The following LRBA variants were observed in gnomAD, a reference collection of about 807,000 sequenced individuals.
LRBA encodes lipopolysaccharide-responsive and beige-like anchor protein.
LRBA carries 176 observed loss-of-function variants against 330.0 expected under a neutral mutation model. The observed-to-expected ratio is 0.53, with a 90% confidence interval of 0.47 to 0.60. The LOEUF (loss-of-function observed/expected upper bound fraction) is 0.60. LRBA is among the 20% of genes least tolerant of loss of function. The pLI is 0.00. For missense variants in LRBA, 3,259 were observed against 3,444.8 expected, an observed-to-expected ratio of 0.95 and a Z score of 1.35; for synonymous variants, 1,230 against 1,193.0, an observed-to-expected ratio of 1.03 and a Z score of -0.64.
chr4:150,635,717 T>G (rs1753983162), intron 37 of LRBA, among the ~76,000 whole-genome samples: 1 of 152,198 alleles, frequency 6.6e-6, no homozygotes, highest in African/African-American at 2.4e-5. Flanking sequence ...AATAATAATA[T>G]AACTGAAAGT....
At chr4:150,578,441 T>C (rs1345555243) in intron 40 of LRBA, among the ~76,000 whole-genome samples, 2 of 152,204 alleles carry the variant, frequency 1.3e-5, no homozygotes, top group Non-Finnish European at 2.9e-5. Context: ...AGTTAATTTT[T>C]TATTTCCAAG....
chr4:150,722,633 G>A (rs1345501309), intron 36 of LRBA, among the ~76,000 whole-genome samples: 6 of 151,902 alleles, frequency 3.9e-5, no homozygotes, highest in Non-Finnish European at 8.8e-5. Context: ...ATCAACATCA[G>A]AGGAGGGCAG....
At chr4:150,443,853 A>AAAATATATATATAT (rs70941406) in intron 44 of LRBA, among the ~76,000 whole-genome samples, 29 of 75,452 alleles carry the variant, frequency 3.8e-4, no homozygotes, top group Middle Eastern at 8.9e-3. Context: ...TAATTAAAAA[A>AAAATATATATATAT]ATATATATAT....
At chr4:150,648,785 G>C (rs532607102) in intron 37 of LRBA, among the ~76,000 whole-genome samples, 1 of 152,080 alleles carries the variant, frequency 6.6e-6, no homozygotes, top group Non-Finnish European at 1.5e-5. Flanking sequence ...GAGCCACGAG[G>C]CCTCTATTTT....
chr4:150,694,476 AGC>A (rs1784443305), intron 36 of LRBA, among the ~76,000 whole-genome samples: 7 of 147,288 alleles, frequency 4.8e-5, no homozygotes, highest in South Asian at 2.2e-4. Flanking sequence ...AAAAAAAAAA[AGC>A]TATCTACAGA....
At chr4:150,494,823 G>A (rs1026312574) in intron 40 of LRBA, among the ~76,000 whole-genome samples, 3 of 151,980 alleles carry the variant, frequency 2.0e-5, no homozygotes, top group South Asian at 4.2e-4. Flanking sequence ...GTAAAACCCC[G>A]TCTCAATAAA....
chr4:150,639,607 A>T (rs1184454992), intron 37 of LRBA, among the ~76,000 whole-genome samples: 4 of 144,112 alleles, frequency 2.8e-5, no homozygotes, highest in South Asian at 2.2e-4. Context: ...AAAAAAAAAA[A>T]ATTCTAGACA....
Position 150,276,596 on chromosome 4 carries a change from C to T in LRBA, c.8468+1257G>A, listed in dbSNP as rs1458393201. 2.0e-5 allele frequency among the ~76,000 whole-genome samples: 3 copies of T among 152,196 alleles called. No individual in the cohort carries two copies. In the East Asian group the frequency reaches 5.8e-4, roughly 29 times the overall value. The stretch of plus-strand genomic sequence containing the variant: ...CAAATTTACAAGAAAAAAACAACCC[C>T]ATCAAAAAGTGGGCAAAAGATATGA... On this transcript the variant is annotated intron_variant, in intron 56 of 56. Transcript: ENST00000651943.
At chr4:150,403,356 A>G (rs1301508906) in intron 47 of LRBA, among the ~76,000 whole-genome samples, 1 of 152,220 alleles carries the variant, frequency 6.6e-6, no homozygotes, top group African/African-American at 2.4e-5. Flanking sequence ...CGAGCCCATT[A>G]GCCTCACTTC....
chr4:150,664,802 T>C (rs186195351), intron 37 of LRBA, among the ~76,000 whole-genome samples: 9 of 152,328 alleles, frequency 5.9e-5, no homozygotes, highest in African/African-American at 9.6e-5. Context: ...TACTCATGAA[T>C]AGATTACAAC....
chr4:150,927,100 C>T (rs1359359656), intron 4 of LRBA, among the ~76,000 whole-genome samples: 1 of 150,734 alleles, frequency 6.6e-6, no homozygotes, highest in Non-Finnish European at 1.5e-5. Context: ...AAAGGCCAGG[C>T]GCGGTGGCTC....
At chr4:150,467,365 G>A (rs73861407) in intron 44 of LRBA, among the ~76,000 whole-genome samples, 39 of 152,182 alleles carry the variant, frequency 2.6e-4, no homozygotes, top group African/African-American at 9.1e-4. Context: ...AAGAGAGGAA[G>A]TGTCTCTTTA....
At chr4:150,683,898 C>A in intron 36 of LRBA, 181 bp from the exon 37 acceptor site, 1 of 544,970 alleles carries the variant, frequency 1.8e-6, no homozygotes, top group South Asian at 2.6e-5. Flanking sequence ...CAAGAATTTA[C>A]TTCTGTGAAG....
chr4:150,562,438 T>C (rs1768485318), intron 40 of LRBA, among the ~76,000 whole-genome samples: 4 of 152,196 alleles, frequency 2.6e-5, no homozygotes, highest in African/African-American at 4.8e-5. Context: ...TGGGCAACTA[T>C]GATAATGGCA....
At chr4:150,989,510 G>T (rs1741833817) in intron 2 of LRBA, among the ~76,000 whole-genome samples, 1 of 152,096 alleles carries the variant, frequency 6.6e-6, no homozygotes, top group East Asian at 1.9e-4. Flanking sequence ...CTACTCAGGA[G>T]GCTGAGGTGA....
chr4:150,908,648 C>T lies in LRBA; in HGVS notation c.1359+12G>A, dbSNP rs1212639225. 2 of 1,601,140 alleles carry T rather than the reference C, an allele frequency of 1.2e-6. No homozygotes were observed. The highest frequency in any genetic ancestry group is 1.7e-6 in the Non-Finnish European group (2 of 1,173,396). On this transcript the variant is annotated intron_variant, in intron 10 of 56. Coordinates refer to ENST00000651943, the MANE Select transcript of LRBA (RefSeq NM_001364905.1). ...ACCATTATAAATGTTCTTAAAAGATCACAGTTAGTACCTGGAGCATGAGTG... is the reference window on the plus strand; with the variant it reads ...ACCATTATAAATGTTCTTAAAAGATTACAGTTAGTACCTGGAGCATGAGTG...
At chr4:150,817,316 A>G (rs1051783200) in intron 30 of LRBA, 59 bp from the exon 31 acceptor site, 11 of 1,491,564 alleles carry the variant, frequency 7.4e-6, no homozygotes, top group Non-Finnish European at 1.0e-5. Flanking sequence ...AATTAATTAC[A>G]TGAATTTCAA....
chr4:150,929,039 T>C lies in LRBA; in HGVS notation c.243A>G (p.Glu81=). The change falls in exon 3 of 57, where the codon GAA becomes GAG. Residue 81 remains glutamate, a synonymous_variant. Coordinates refer to ENST00000651943, the MANE Select transcript of LRBA (RefSeq NM_001364905.1). The part of the protein sequence containing the change: ...NLLVGGQFDL[E]MNFIIQEGES... ...CACCTTCTTGGATAATGAAATTCAT[T>C]TCCAGATCAAACTGTCCTCCTACCA... 1 of 1,613,202 alleles carries C rather than the reference T, an allele frequency of 6.2e-7. No individual in the cohort carries two copies. Among genetic ancestry groups the C allele is most frequent in the African/African-American group, 1.3e-5 (1 of 74,918 alleles).
intron 46 of LRBA, chr4:150,422,885 C>T (rs1163240793): frequency 1.1e-6 from 1 of 948,042 alleles, no homozygotes; most frequent in Non-Finnish European, 1.7e-6. Flanking sequence ...AACATGGAGG[C>T]ACTCAGGACT....
Sources: gnomAD v4.1 joint callset for allele counts (sites outside exome capture counted in the v4.1 genomes callset) on GRCh38, gnomAD v4.1.1 for gene constraint, MANE v1.5 for transcripts, NCBI Gene and HGNC (gene_info 2026-07-23, HGNC 2026-07-21) for gene names.